Variants in GPR158 observed in about 807,000 individuals in gnomAD.
GPR158 encodes the protein metabotropic glycine receptor.
GPR158 carries 30 observed loss-of-function variants against 78.2 expected under a neutral mutation model. The ratio of observed to expected loss-of-function variants is 0.38; its 90% CI spans 0.29 to 0.52. The LOEUF (loss-of-function observed/expected upper bound fraction) is 0.52, where lower values mean the gene tolerates loss of function less well. Among genes scored for constraint, GPR158 ranks in the 20% least tolerant of loss-of-function variants. GPR158 has a pLI of 0.83. For synonymous variants in GPR158, 581 were observed against 591.1 expected (o/e 0.98, Z 0.25); for missense variants, 1,463 against 1,523.5 (o/e 0.96, Z 0.66).
chr10:25,567,259 T>C (rs1836942658), intron 6 of GPR158, among the ~76,000 whole-genome samples: 1 of 152,184 alleles, frequency 6.6e-6, no homozygotes, highest in Admixed American at 6.5e-5. Flanking sequence ...CGGAAAAATC[T>C]ACCTGGCAGG....
chr10:25,576,073 A>G (rs1309676650), intron 7 of GPR158, among the ~76,000 whole-genome samples: 1 of 151,654 alleles, frequency 6.6e-6, no homozygotes, highest in African/African-American at 2.4e-5. Context: ...TTTTTCCAGT[A>G]GCTTTTGGGG....
chr10:25,586,921 C>G (rs1210322040), intron 7 of GPR158, among the ~76,000 whole-genome samples: 1 of 152,208 alleles, frequency 6.6e-6, no homozygotes, highest in African/African-American at 2.4e-5. Context: ...GAAGGCCAAT[C>G]CCTGAGACAA....
chr10:25,243,004 A>G (rs1372829761), intron 2 of GPR158, among the ~76,000 whole-genome samples: 1 of 152,220 alleles, frequency 6.6e-6, no homozygotes, highest in African/African-American at 2.4e-5. Context: ...GGTCCCAGGC[A>G]TAGTTCACAA....
chr10:25,488,158 A>T (rs1835758316), intron 5 of GPR158, among the ~76,000 whole-genome samples: 1 of 152,124 alleles, frequency 6.6e-6, no homozygotes, highest in African/African-American at 2.4e-5. Flanking sequence ...ATCCTGGGTG[A>T]CTACCATTCC....
At chr10:25,231,307 G>T (rs1045998034) in intron 2 of GPR158, among the ~76,000 whole-genome samples, 9 of 151,986 alleles carry the variant, frequency 5.9e-5, no homozygotes, top group African/African-American at 1.7e-4. Flanking sequence ...TGCAAATCTG[G>T]GATAATCTGA....
At chr10:25,444,705 T>C (rs1835116914) in intron 4 of GPR158, among the ~76,000 whole-genome samples, 1 of 151,918 alleles carries the variant, frequency 6.6e-6, no homozygotes, top group Admixed American at 6.6e-5. Flanking sequence ...TACCCACCAG[T>C]GGGGAATAAT....
intron 2 of GPR158, among the ~76,000 whole-genome samples, chr10:25,305,735 C>T (rs1009474901): frequency 6.6e-6 from 1 of 152,124 alleles, no homozygotes; most frequent in African/African-American, 2.4e-5. Context: ...GCAGAAAAAA[C>T]AGCAACAATA....
chr10:25,176,335 G>C lies in GPR158; in HGVS notation c.902+13G>C. 6.5e-7 allele frequency: 1 copy of C among 1,539,202 alleles called. No individual in the cohort carries two copies. Among genetic ancestry groups the C allele is most frequent in the Non-Finnish European group, 8.8e-7 (1 of 1,140,542 alleles). Reference sequence around the variant, plus strand: ...TCCCGGAATTCAGGTAGGGAGGGCCGGGGGGCAGGGGGGAAGGCAAAAGCG... The same window carrying C: ...TCCCGGAATTCAGGTAGGGAGGGCCCGGGGGCAGGGGGGAAGGCAAAAGCG... On this transcript the variant is annotated intron_variant, in intron 1 of 10. Transcript: ENST00000376351. This position sits in a 1 kb window ranked among gnomAD's most constrained non-coding sequence, Gnocchi z 6.3.
intron 2 of GPR158, among the ~76,000 whole-genome samples, chr10:25,337,822 CCTAT>C (rs1326413934): frequency 4.6e-5 from 7 of 151,954 alleles, no homozygotes; most frequent in Admixed American, 1.3e-4. Flanking sequence ...TTAATTTTAG[CCTAT>C]CTGATGTGCA....
intron 2 of GPR158, among the ~76,000 whole-genome samples, chr10:25,222,759 G>A (rs1336992498): frequency 3.9e-5 from 6 of 152,068 alleles, no homozygotes; most frequent in Non-Finnish European, 8.8e-5. Flanking sequence ...TTTCTGCATG[G>A]GTGTCATATT....
chr10:25,386,118 T>C lies in GPR158; in HGVS notation c.1009-9793T>C, dbSNP rs545531530. On this transcript the variant is annotated intron_variant, in intron 2 of 10. Coordinates refer to ENST00000376351, the MANE Select transcript of GPR158 (RefSeq NM_020752.3). ...GTTATGTTTAAGTCTTAAATCATAT[T>C]GATTAAGTTTTGTATTTGGTGTTAG... Among the ~76,000 whole-genome samples the C allele has an allele frequency of 1.7e-4, 26 of 152,304 alleles. No individual in the cohort carries two copies. The South Asian group carries it at 4.8e-3, about 28-fold the overall frequency.
intron 2 of GPR158, among the ~76,000 whole-genome samples, chr10:25,240,183 C>T (rs1208918747): frequency 2.0e-5 from 3 of 152,138 alleles, no homozygotes; most frequent in Non-Finnish European, 4.4e-5. Context: ...TGGCACCATA[C>T]GTATCAAATA....
Position 25,237,323 on chromosome 10 carries a change from T to G in GPR158, c.1008+16166T>G, listed in dbSNP as rs1429925371. ...CCTTCTTGGATGTTTAGATTCTAAG[T>G]CTAACTTTAATTTGTTTTATGTTTT... is the stretch of plus-strand genomic sequence containing the variant. On this transcript the variant is annotated intron_variant, in intron 2 of 10. Transcript: ENST00000376351. 2.0e-5 allele frequency among the ~76,000 whole-genome samples: 3 copies of G among 152,222 alleles called. No individual in the cohort carries two copies. In the East Asian group the frequency reaches 5.8e-4, roughly 29 times the overall value.
intron 5 of GPR158, among the ~76,000 whole-genome samples, chr10:25,529,752 C>CA (rs1387704744): frequency 1.3e-5 from 2 of 152,176 alleles, no homozygotes; most frequent in South Asian, 2.1e-4. Flanking sequence ...AAGTCACTCT[C>CA]ACGACAGCCT....
At chr10:25,538,811 T>C (rs1836535844) in intron 5 of GPR158, among the ~76,000 whole-genome samples, 1 of 152,214 alleles carries the variant, frequency 6.6e-6, no homozygotes, top group African/African-American at 2.4e-5. Flanking sequence ...TTATTAAGGA[T>C]GGTATAAACT....
At chr10:25,369,021 G>A (rs901055634) in intron 2 of GPR158, among the ~76,000 whole-genome samples, 4 of 150,948 alleles carry the variant, frequency 2.6e-5, no homozygotes, top group African/African-American at 9.8e-5. Context: ...CATTGATTTT[G>A]TATCCTGAGA....
intron 5 of GPR158, among the ~76,000 whole-genome samples, chr10:25,479,517 C>T (rs889700903): frequency 1.6e-4 from 25 of 151,998 alleles, no homozygotes; most frequent in Non-Finnish European, 2.1e-4. Flanking sequence ...CGGGTTCCAA[C>T]AATTCTCCTG....
intron 5 of GPR158, among the ~76,000 whole-genome samples, chr10:25,481,704 C>A (rs1038534043): frequency 6.6e-6 from 1 of 152,144 alleles, no homozygotes; most frequent in African/African-American, 2.4e-5. Context: ...TCGCCAAACT[C>A]TTTTCCAAAG....
intron 5 of GPR158, among the ~76,000 whole-genome samples, chr10:25,488,663 C>T (rs1835764353): frequency 6.6e-6 from 1 of 151,992 alleles, no homozygotes; most frequent in South Asian, 2.1e-4. Flanking sequence ...TATAGCTCTT[C>T]CTTCTTGTTC....
Sources: gnomAD v4.1 joint callset for allele counts (sites outside exome capture counted in the v4.1 genomes callset) on GRCh38, gnomAD v4.1.1 for gene constraint, Gnocchi (gnomAD v3.1) non-coding constraint, MANE v1.5 for transcripts, NCBI Gene and HGNC (gene_info 2026-07-23, HGNC 2026-07-21) for gene names.